The following BBS9 variants were observed in gnomAD, a reference collection of about 807,000 sequenced individuals.
The protein encoded by BBS9 is Bardet-Biedl syndrome 9, also known as protein PTHB1.
A neutral mutation model predicts 117.7 loss-of-function variants in BBS9; 89 were observed. The ratio of observed to expected loss-of-function variants is 0.76; its 90% CI spans 0.64 to 0.90. BBS9 has a LOEUF of 0.90. Ranked by LOEUF, BBS9 falls within the 40% of genes least tolerant of loss-of-function variation. BBS9 has a pLI of 0.00. For missense variants in BBS9, 982 were observed against 1,042.2 expected, an observed-to-expected ratio of 0.94 and a Z score of 0.80; for synonymous variants, 379 against 370.9, an observed-to-expected ratio of 1.02 and a Z score of -0.25.
chr7:33,130,713 T>A (rs1789466859), intron 1 of BBS9, among the ~76,000 whole-genome samples: 1 of 152,104 alleles, frequency 6.6e-6, no homozygotes, highest in Admixed American at 6.5e-5. Context: ...CTGAGATTTT[T>A]TTCATGAATA....
At chr7:33,595,428 G>GA (rs1195941768) in intron 21 of BBS9, among the ~76,000 whole-genome samples, 2 of 151,996 alleles carry the variant, frequency 1.3e-5, no homozygotes, top group Non-Finnish European at 2.9e-5. Flanking sequence ...CAACAAACAT[G>GA]AAAAAAAGCT....
At chr7:33,179,730 A>G (rs1325636981) in intron 5 of BBS9, among the ~76,000 whole-genome samples, 1 of 152,136 alleles carries the variant, frequency 6.6e-6, no homozygotes, top group African/African-American at 2.4e-5. Flanking sequence ...TCATCCCGAA[A>G]TCTTCCCCCT....
chr7:33,330,484 A>G (rs956517698), intron 9 of BBS9, among the ~76,000 whole-genome samples: 2 of 152,160 alleles, frequency 1.3e-5, no homozygotes, highest in African/African-American at 2.4e-5. Context: ...AATGTAGTTT[A>G]ATTTAGAGAT....
intron 21 of BBS9, among the ~76,000 whole-genome samples, chr7:33,576,600 A>G (rs1858925228): frequency 6.6e-6 from 1 of 152,106 alleles, no homozygotes; most frequent in African/African-American, 2.4e-5. Context: ...CTTTGCCAAG[A>G]CAATCCTAAG....
intron 16 of BBS9, 144 bp downstream of exon 16, chr7:33,358,139 T>A: frequency 9.6e-7 from 1 of 1,045,178 alleles, no homozygotes; most frequent in Non-Finnish European, 1.4e-6. Context: ...TTTTCCCTCC[T>A]TTGCCTGTTC....
intron 21 of BBS9, among the ~76,000 whole-genome samples, chr7:33,626,755 G>A (rs554051290): frequency 7.2e-5 from 11 of 152,320 alleles, no homozygotes; most frequent in African/African-American, 2.2e-4. Context: ...ATGACTTAGG[G>A]TATCTAGCAG....
intron 21 of BBS9, among the ~76,000 whole-genome samples, chr7:33,542,225 C>G (rs142522948): frequency 0.031 from 4,727 of 152,180 alleles, 88 homozygotes; most frequent in African/African-American, 0.055. Context: ...GCTGGGATTA[C>G]AGGCGTGTGC....
rs558557107 is a variant in BBS9 at position 33,148,287 on chromosome 7, G to T, written c.112+1923G>T. ...CAGGGAGAGAAGTTGAAATAAGAGG[G>T]GAGGAGGTATAGGACTGTAACCTGG... On this transcript the variant is annotated intron_variant, in intron 2 of 22. Coordinates refer to ENST00000242067, the MANE Select transcript of BBS9 (RefSeq NM_198428.3). Among the ~76,000 whole-genome samples the T allele has an allele frequency of 1.1e-4, 16 of 152,242 alleles. No individual in the cohort carries two copies. In the South Asian group the frequency reaches 2.7e-3, roughly 26 times the overall value.
chr7:33,565,165 G>C (rs1213164104), intron 21 of BBS9, among the ~76,000 whole-genome samples: 1 of 152,156 alleles, frequency 6.6e-6, no homozygotes, highest in Non-Finnish European at 1.5e-5. Context: ...TTGGTACATA[G>C]TCGATGCTCA....
intron 5 of BBS9, among the ~76,000 whole-genome samples, chr7:33,227,540 G>A (rs1353901599): frequency 2.0e-5 from 3 of 151,946 alleles, no homozygotes; most frequent in Admixed American, 6.6e-5. Flanking sequence ...GCAATTTCTG[G>A]GATTTTGGTG....
chr7:33,479,506 C>T, intron 19 of BBS9, among the ~76,000 whole-genome samples: 1 of 152,084 alleles, frequency 6.6e-6, no homozygotes, highest in East Asian at 1.9e-4. Context: ...TTTGTACAAT[C>T]CATTGTTCAG....
chr7:33,436,874 G>A (rs1239323116), intron 19 of BBS9, among the ~76,000 whole-genome samples: 1 of 152,190 alleles, frequency 6.6e-6, no homozygotes, highest in African/African-American at 2.4e-5. Flanking sequence ...ACTTAAGCAT[G>A]GAATACTGTA....
intron 5 of BBS9, among the ~76,000 whole-genome samples, chr7:33,182,464 A>T (rs1798230122): frequency 6.6e-6 from 1 of 152,206 alleles, no homozygotes; most frequent in African/African-American, 2.4e-5. Context: ...AGTTAAGTTG[A>T]ACAATTTTCA....
Position 33,336,466 on chromosome 7 carries a change from C to T in BBS9, c.1042C>T (p.Leu348=), listed in dbSNP as rs767992894. 6 of 1,613,662 alleles carry T rather than the reference C, an allele frequency of 3.7e-6. No individual in the cohort carries two copies. The African/African-American group carries it at 8.0e-5, about 22-fold the overall frequency. Residue 348 remains leucine, a synonymous_variant, in exon 10 of 23, where the codon CTG becomes TTG. Transcript: ENST00000242067. Reference sequence around the variant, plus strand: ...TGATTTAAAGGGAGTGATAGTCACTCTGAGTGATGATGGTCACTTGCAGTG... The same window carrying T: ...TGATTTAAAGGGAGTGATAGTCACTTTGAGTGATGATGGTCACTTGCAGTG... The part of the protein sequence containing the change: ...LHDLKGVIVT[L]SDDGHLQCSY...
intron 21 of BBS9, among the ~76,000 whole-genome samples, chr7:33,547,341 A>G (rs1039466683): frequency 6.6e-5 from 10 of 152,224 alleles, no homozygotes; most frequent in Non-Finnish European, 1.0e-4. Context: ...TTTTCCCTTA[A>G]AAGACATTTA....
At chr7:33,422,447 A>G (rs1833000547) in intron 19 of BBS9, among the ~76,000 whole-genome samples, 1 of 152,160 alleles carries the variant, frequency 6.6e-6, no homozygotes, top group African/African-American at 2.4e-5. Flanking sequence ...AGAGAAAGTG[A>G]TATTTTTTAG....
Position 33,177,583 on chromosome 7 carries a change from G to A in BBS9, c.434G>A (p.Gly145Asp). 6.2e-7 allele frequency: 1 copy of A among 1,607,630 alleles called. No homozygotes were observed. The highest frequency in any genetic ancestry group is 1.1e-5 in the South Asian group (1 of 90,940). ...ACNMTYGSFG[G>D]VKGRDLICIQ... Reference sequence around the variant, plus strand: ...AATATGACCTATGGATCATTTGGTGGTGTAAAAGGTAATTTGCTTTTAATC... The same window carrying A: ...AATATGACCTATGGATCATTTGGTGATGTAAAAGGTAATTTGCTTTTAATC... Residue 145 changes from glycine to aspartate, a missense_variant, in exon 5 of 23, where the codon GGT becomes GAT. Coordinates refer to ENST00000242067, the MANE Select transcript of BBS9 (RefSeq NM_198428.3).
At chr7:33,138,751 A>AT (rs1367370892) in intron 1 of BBS9, among the ~76,000 whole-genome samples, 24 of 145,922 alleles carry the variant, frequency 1.6e-4, no homozygotes, top group Non-Finnish European at 2.4e-4. Flanking sequence ...ACTGGCTAAT[A>AT]TTTTTTTTTT....
intron 17 of BBS9, 94 bp from the exon 18 acceptor site, chr7:33,383,572 T>TGG: frequency 8.7e-7 from 1 of 1,150,178 alleles, no homozygotes; most frequent in Non-Finnish European, 1.3e-6. Flanking sequence ...AATGAAATCT[T>TGG]TGAACTTTTA....
Sources: gnomAD v4.1 joint callset for allele counts (sites outside exome capture counted in the v4.1 genomes callset) on GRCh38, gnomAD v4.1.1 for gene constraint, MANE v1.5 for transcripts, NCBI Gene and HGNC (gene_info 2026-07-23, HGNC 2026-07-21) for gene names.